The following ANKFN1 variants were observed in gnomAD, a reference collection of about 807,000 sequenced individuals.
The protein encoded by ANKFN1 is ankyrin repeat and fibronectin type-III domain-containing protein 1.
ANKFN1 carries 74 observed loss-of-function variants against 108.7 expected under a neutral mutation model. That is an observed-to-expected ratio of 0.68 (90% CI 0.56 to 0.83). ANKFN1 has a LOEUF of 0.83. ANKFN1 is among the 40% of genes least tolerant of loss of function. The pLI is 0.00. For missense variants in ANKFN1, 1,505 were observed against 1,382.3 expected (o/e 1.09, Z -1.41); for synonymous variants, 547 against 516.2 (o/e 1.06, Z -0.81).
At chr17:56,496,652 A>G (rs776493451) in intron 19 of ANKFN1, among the ~76,000 whole-genome samples, 4 of 152,094 alleles carry the variant, frequency 2.6e-5, no homozygotes, top group Non-Finnish European at 5.9e-5. Context: ...TGTCCTTATG[A>G]GGACATCTGT....
intron 1 of ANKFN1, among the ~76,000 whole-genome samples, chr17:56,198,693 C>A (rs115983563): frequency 0.024 from 3,593 of 152,176 alleles, 136 homozygotes; most frequent in African/African-American, 0.082. Context: ...CAATATTCAA[C>A]TATTTATAAC....
At chr17:56,304,918 A>T (rs766868404) in intron 3 of ANKFN1, among the ~76,000 whole-genome samples, 5 of 152,080 alleles carry the variant, frequency 3.3e-5, no homozygotes, top group African/African-American at 4.8e-5. Flanking sequence ...TGAGGTTTGA[A>T]AAGTCATTAT....
At chr17:56,079,466 T>C (rs1026725634) in intron 4 of ANKFN1, among the ~76,000 whole-genome samples, 2 of 151,868 alleles carry the variant, frequency 1.3e-5, no homozygotes, top group African/African-American at 4.8e-5. Context: ...TGGCACAAGC[T>C]CCTGGAAGCT....
At chr17:56,446,214 C>T (rs1030014844) in intron 10 of ANKFN1, among the ~76,000 whole-genome samples, 1 of 152,142 alleles carries the variant, frequency 6.6e-6, no homozygotes, top group Non-Finnish European at 1.5e-5. Context: ...TATTTCAGCT[C>T]TCCTCACATT....
At chr17:56,409,257 G>A (rs1219158854) in intron 8 of ANKFN1, among the ~76,000 whole-genome samples, 10 of 152,062 alleles carry the variant, frequency 6.6e-5, no homozygotes, top group Non-Finnish European at 1.2e-4. Flanking sequence ...CTTATGATTT[G>A]TTTCCCCACC....
chr17:56,181,547 C>T (rs544613684), intron 1 of ANKFN1, among the ~76,000 whole-genome samples: 1 of 152,282 alleles, frequency 6.6e-6, no homozygotes, highest in East Asian at 1.9e-4. Flanking sequence ...TAGTTAAGCT[C>T]AGGTAGGCTG....
At chr17:56,231,371 T>C (rs1012536537) in intron 3 of ANKFN1, among the ~76,000 whole-genome samples, 1 of 152,202 alleles carries the variant, frequency 6.6e-6, no homozygotes, top group East Asian at 1.9e-4. Flanking sequence ...TTTAATGCCC[T>C]TTGCAGAGGA....
chr17:56,441,720 A>G (rs900562152), intron 9 of ANKFN1, among the ~76,000 whole-genome samples: 1 of 152,250 alleles, frequency 6.6e-6, no homozygotes, highest in Non-Finnish European at 1.5e-5. Flanking sequence ...CCACTTGACC[A>G]TCTAATGAAA....
upstream of ANKFN1, among the ~76,000 whole-genome samples, chr17:56,149,751 G>A (rs1265983673): frequency 6.6e-6 from 1 of 152,202 alleles, no homozygotes; most frequent in Non-Finnish European, 1.5e-5. Context: ...AAAAACCTGT[G>A]CTGAGCCACA....
At chr17:56,395,058 G>A (rs1264884309) in intron 8 of ANKFN1, among the ~76,000 whole-genome samples, 1 of 152,104 alleles carries the variant, frequency 6.6e-6, no homozygotes, top group African/African-American at 2.4e-5. Context: ...GGGGGTGGAA[G>A]GTGTCCCTTT....
chr17:56,480,909 GTGTGTGTGTGTGTA>G (rs1402357564), intron 17 of ANKFN1, 91 bp downstream of exon 17: 43 of 1,334,556 alleles, frequency 3.2e-5, no homozygotes, highest in East Asian at 2.7e-4. Context: ...GTGTGTGTGT[GTGTGTGTGTGTGTA>G]AATTTTCCTT....
chr17:56,249,004 G>A (rs570285920), intron 3 of ANKFN1, among the ~76,000 whole-genome samples: 2 of 152,316 alleles, frequency 1.3e-5, no homozygotes, highest in East Asian at 1.9e-4. Context: ...ACACTGTCAT[G>A]TGGAAACAGC....
intron 2 of ANKFN1, among the ~76,000 whole-genome samples, chr17:56,216,717 G>A (rs1264304402): frequency 6.6e-6 from 1 of 152,144 alleles, no homozygotes; most frequent in Non-Finnish European, 1.5e-5. Flanking sequence ...ACACTCCTCT[G>A]TGCCTCAGTT....
intron 4 of ANKFN1, among the ~76,000 whole-genome samples, chr17:56,148,041 T>A (rs1375285820): frequency 6.6e-6 from 1 of 152,230 alleles, no homozygotes; most frequent in African/African-American, 2.4e-5. Context: ...AACTGAGACT[T>A]ATCCAGATAA....
chr17:56,161,529 A>G (rs1314494266), intron 1 of ANKFN1, among the ~76,000 whole-genome samples: 2 of 152,230 alleles, frequency 1.3e-5, no homozygotes, highest in Non-Finnish European at 2.9e-5. Context: ...CAGGCTGTAT[A>G]TAATGCAATT....
chr17:56,469,335 C>G (rs1263370285), intron 15 of ANKFN1, among the ~76,000 whole-genome samples: 1 of 151,938 alleles, frequency 6.6e-6, no homozygotes, highest in Non-Finnish European at 1.5e-5. Context: ...TATCCAATCC[C>G]TCCTAGACTT....
chr17:56,308,237 T>TA (rs35895470), intron 3 of ANKFN1, among the ~76,000 whole-genome samples: 8,713 of 141,814 alleles, frequency 0.061, 358 homozygotes, highest in African/African-American at 0.13. Context: ...TAAAGTATAA[T>TA]AAAAAAAAAA....
At chr17:56,313,632 T>C (rs756671797) in intron 3 of ANKFN1, among the ~76,000 whole-genome samples, 1 of 152,202 alleles carries the variant, frequency 6.6e-6, no homozygotes, top group Non-Finnish European at 1.5e-5. Context: ...CCCATATGCC[T>C]GCCCATTCTT....
intron 19 of ANKFN1, among the ~76,000 whole-genome samples, chr17:56,497,962 T>C (rs778985955): frequency 7.9e-5 from 12 of 152,108 alleles, no homozygotes; most frequent in Non-Finnish European, 1.8e-4. Flanking sequence ...CCCATGTCTA[T>C]CAAGATCTGG....
Sources: gnomAD v4.1 joint callset for allele counts (sites outside exome capture counted in the v4.1 genomes callset) on GRCh38, gnomAD v4.1.1 for gene constraint, MANE v1.5 for transcripts, NCBI Gene and HGNC (gene_info 2026-07-23, HGNC 2026-07-21) for gene names.